The following EBF1 variants were observed in gnomAD, a reference collection of about 807,000 sequenced individuals.
EBF1 encodes the protein EBF transcription factor 1.
Under a neutral mutation model 68.4 loss-of-function variants are expected in EBF1, and 10 were observed. The ratio of observed to expected loss-of-function variants is 0.15; its 90% CI spans 0.09 to 0.25. The LOEUF (loss-of-function observed/expected upper bound fraction) is 0.25. Ranked by LOEUF, EBF1 falls within the 10% of genes least tolerant of loss-of-function variation. The pLI, the probability that EBF1 is intolerant of heterozygous loss-of-function variation, is 1.00. For missense variants in EBF1, 509 were observed against 794.4 expected, an observed-to-expected ratio of 0.64 and a Z score of 4.32; for synonymous variants, 298 against 299.8, an observed-to-expected ratio of 0.99 and a Z score of 0.06.
At chr5:158,929,224 G>A (rs1810338131) in intron 6 of EBF1, among the ~76,000 whole-genome samples, 2 of 152,114 alleles carry the variant, frequency 1.3e-5, no homozygotes, top group Admixed American at 1.3e-4. Flanking sequence ...CAGATGAATC[G>A]CGTGTGGCAA....
chr5:159,032,570 C>T (rs1769141266), intron 6 of EBF1, among the ~76,000 whole-genome samples: 1 of 152,196 alleles, frequency 6.6e-6, no homozygotes, highest in Non-Finnish European at 1.5e-5. Flanking sequence ...TAAACATAGG[C>T]AAATCCTGTG....
rs577395488 is a variant in EBF1, at chr5:158,697,231, T to A, written c.*1880A>T. On this transcript the variant is annotated 3_prime_UTR_variant, in exon 16 of 16. Coordinates refer to ENST00000313708, the MANE Select transcript of EBF1 (RefSeq NM_024007.5). ...CCAAAGCAAAGGATACATTTTTTTT[T>A]AAATCTACTGAACTAAATACTACAA... The A allele has an allele frequency of 5.6e-4, 108 of 192,342 alleles. No homozygotes were observed. Among genetic ancestry groups the A allele is most frequent in the South Asian group, 2.5e-3 (13 of 5,150 alleles). The allele number at this position is 192,342 out of a possible 1,614,324, so 11.9% of individuals were successfully genotyped here.
At chr5:158,724,597 T>G (rs1349878025) in intron 11 of EBF1, among the ~76,000 whole-genome samples, 1 of 152,236 alleles carries the variant, frequency 6.6e-6, no homozygotes, top group Non-Finnish European at 1.5e-5. Flanking sequence ...GCCCCAGCTC[T>G]GTATTTATGA....
chr5:159,050,675 T>A (rs1773418440), intron 6 of EBF1, among the ~76,000 whole-genome samples: 1 of 152,138 alleles, frequency 6.6e-6, no homozygotes, highest in Non-Finnish European at 1.5e-5. Context: ...AACTCCCTTA[T>A]AAGGGTTGAC....
rs112685374 is a variant in EBF1 at position 158,745,538 on chromosome 5, A to G, written c.1037-14381T>C. 4.8e-3 allele frequency among the ~76,000 whole-genome samples: 725 copies of G among 152,336 alleles called. 7 individuals carry two copies. Among genetic ancestry groups the G allele is most frequent in the African/African-American group, 0.016 (662 of 41,582 alleles). On this transcript the variant is annotated intron_variant, in intron 10 of 15. Transcript: ENST00000313708. ...CCAAGTCTCCATGTAAAAGCATTTT[A>G]GTGAATTTATCTCATTAGTGCCTAC...
At chr5:158,822,584 A>G (rs1785108525) in intron 8 of EBF1, among the ~76,000 whole-genome samples, 1 of 152,178 alleles carries the variant, frequency 6.6e-6, no homozygotes, top group African/African-American at 2.4e-5. Flanking sequence ...AGCAAGTTCT[A>G]TCACATGGTG....
At chr5:158,828,203 T>C (rs2127898184) in intron 7 of EBF1, among the ~76,000 whole-genome samples, 1 of 152,286 alleles carries the variant, frequency 6.6e-6, no homozygotes, top group Non-Finnish European at 1.5e-5. Context: ...GAACAAACTA[T>C]TGATATCCCA....
chr5:158,902,671 G>A (rs186449589), intron 6 of EBF1, among the ~76,000 whole-genome samples: 33 of 151,420 alleles, frequency 2.2e-4, no homozygotes, highest in Middle Eastern at 6.9e-3. Context: ...TGCCCAAGCT[G>A]GTCCAAACTC....
intron 6 of EBF1, among the ~76,000 whole-genome samples, chr5:158,891,468 C>A (rs1435369966): frequency 6.6e-6 from 1 of 152,172 alleles, no homozygotes; most frequent in Non-Finnish European, 1.5e-5. Flanking sequence ...TCCAGCATCT[C>A]TCCCCTGTTA....
intron 6 of EBF1, among the ~76,000 whole-genome samples, chr5:159,044,605 T>G (rs1166843013): frequency 6.6e-6 from 1 of 152,204 alleles, no homozygotes; most frequent in East Asian, 1.9e-4. Flanking sequence ...GTATGTACAT[T>G]GCCACAGAGT....
intron 7 of EBF1, among the ~76,000 whole-genome samples, chr5:158,828,210 C>T (rs1786638900): frequency 6.6e-6 from 1 of 152,084 alleles, no homozygotes. Flanking sequence ...CTATTGATAT[C>T]CCAGGGAATT....
At chr5:158,975,920 G>A (rs1756648970) in intron 6 of EBF1, among the ~76,000 whole-genome samples, 1 of 152,134 alleles carries the variant, frequency 6.6e-6, no homozygotes, top group African/African-American at 2.4e-5. Flanking sequence ...TGGGATGATT[G>A]GACTCAGCTT....
At chr5:159,080,599 C>T (rs899703584) in intron 5 of EBF1, among the ~76,000 whole-genome samples, 3 of 152,124 alleles carry the variant, frequency 2.0e-5, no homozygotes, top group Non-Finnish European at 2.9e-5. Context: ...AGTACTTAGC[C>T]CCACACTGCA....
At chr5:158,769,543 T>C (rs570444825) in intron 10 of EBF1, among the ~76,000 whole-genome samples, 1 of 152,274 alleles carries the variant, frequency 6.6e-6, no homozygotes, top group South Asian at 2.1e-4. Context: ...GCTTTATTCT[T>C]TGCAGAAATG....
chr5:158,823,104 G>C (rs968756465), intron 8 of EBF1, 72 bp downstream of exon 8: 33 of 1,588,266 alleles, frequency 2.1e-5, no homozygotes, highest in Middle Eastern at 3.3e-4. Context: ...ACATGTGGTG[G>C]AGTGGAAGAA....
chr5:158,933,967 A>G lies in EBF1; in HGVS notation c.555-93857T>C, dbSNP rs528195019. On this transcript the variant is annotated intron_variant, in intron 6 of 15. Transcript: ENST00000313708. ...CAATGCTTTAATGACTCTTTTTTGT[A>G]TTTTGCTCTTTTATTGAATTACACA... 3.3e-5 allele frequency among the ~76,000 whole-genome samples: 5 copies of G among 152,262 alleles called. No individual in the cohort carries two copies. The South Asian group carries it at 1.0e-3, about 32-fold the overall frequency.
intron 7 of EBF1, among the ~76,000 whole-genome samples, chr5:158,837,447 A>T (rs887525210): frequency 6.6e-6 from 1 of 152,138 alleles, no homozygotes; most frequent in African/African-American, 2.4e-5. Context: ...GCTTTCTTTC[A>T]TATGTAGTGA....
At chr5:158,777,637 A>C in intron 9 of EBF1, 98 bp from the exon 10 acceptor site, 2 of 1,260,490 alleles carry the variant, frequency 1.6e-6, no homozygotes, top group South Asian at 1.9e-5. Context: ...AAAACACATA[A>C]TTAACCTGTC....
At chr5:158,906,491 T>C (rs1165475191) in intron 6 of EBF1, among the ~76,000 whole-genome samples, 1 of 152,082 alleles carries the variant, frequency 6.6e-6, no homozygotes, top group Non-Finnish European at 1.5e-5. Context: ...TGCTCAGTGT[T>C]TATTATGTGT....
Sources: gnomAD v4.1 joint callset for allele counts (sites outside exome capture counted in the v4.1 genomes callset) on GRCh38, gnomAD v4.1.1 for gene constraint, MANE v1.5 for transcripts, NCBI Gene and HGNC (gene_info 2026-07-23, HGNC 2026-07-21) for gene names.